The following SDHB variants were observed in gnomAD, a reference collection of about 807,000 sequenced individuals.
The protein encoded by SDHB is succinate dehydrogenase [ubiquinone] iron-sulfur subunit, mitochondrial.
In SDHB, 21 loss-of-function variants were observed where a neutral mutation model predicts 39.7. The observed-to-expected ratio is 0.53, with a 90% CI of 0.37 to 0.76. SDHB has a LOEUF of 0.76. Among genes scored for constraint, SDHB ranks in the 30% least tolerant of loss-of-function variants. The probability of loss-of-function intolerance (pLI) is 0.00; values close to 1 mark genes in which losing one functional copy is unlikely to be tolerated. For synonymous variants in SDHB, 118 were observed against 117.0 expected (o/e 1.01, Z -0.06); for missense variants, 343 against 350.9 (o/e 0.98, Z 0.18).
chr1:17,027,257 T>A (rs902707680), intron 5 of SDHB, among the ~76,000 whole-genome samples: 16 of 152,086 alleles, frequency 1.1e-4, no homozygotes, highest in African/African-American at 3.6e-4. Context: ...TCCCAGAGAG[T>A]GAGCAGGCCA....
intron 6 of SDHB, among the ~76,000 whole-genome samples, chr1:17,023,319 G>A (rs536412768): frequency 3.3e-5 from 5 of 152,336 alleles, no homozygotes; most frequent in South Asian, 2.1e-4. Flanking sequence ...TGACAAGTAT[G>A]AGTGTACTTC....
chr1:17,044,827 T>C lies in SDHB; in HGVS notation c.134A>G (p.Tyr45Cys). Residue 45 changes from tyrosine to cysteine, a missense_variant, in exon 2 of 8, where the codon TAT (tyrosine) becomes TGT (cysteine). Physicochemically the swap from Tyr to Cys is radical, Grantham distance 194 (BLOSUM62 -2). Transcript: ENST00000375499. ...TCCAGCCTTGTCTGGGTCCCATCGA[T>C]AGATGGCAAATTTCTTGATACGGGG... ...TAPRIKKFAI[Y>C]RWDPDKAGDK... 6.2e-7 allele frequency: 1 copy of C among 1,614,116 alleles called. No individual in the cohort carries two copies. Among genetic ancestry groups the C allele is most frequent in the South Asian group, 1.1e-5 (1 of 91,080 alleles).
At chr1:17,041,400 T>G (rs2078079074) in intron 2 of SDHB, among the ~76,000 whole-genome samples, 1 of 152,178 alleles carries the variant, frequency 6.6e-6, no homozygotes, top group Non-Finnish European at 1.5e-5. Context: ...CTGGGCGCGG[T>G]GGCTCATGCC....
intron 7 of SDHB, among the ~76,000 whole-genome samples, chr1:17,019,534 C>T (rs1207641835): frequency 6.6e-6 from 1 of 151,980 alleles, no homozygotes; most frequent in African/African-American, 2.4e-5. Context: ...CACTGAATGC[C>T]AGCTTCATTG....
At chr1:17,034,639 C>T (rs998127031) in intron 2 of SDHB, among the ~76,000 whole-genome samples, 6 of 152,122 alleles carry the variant, frequency 3.9e-5, no homozygotes, top group African/African-American at 1.4e-4. Context: ...CTCAGCCTTC[C>T]CAAATGCTGG....
intron 2 of SDHB, among the ~76,000 whole-genome samples, chr1:17,043,963 C>T (rs1324695690): frequency 6.6e-6 from 1 of 152,154 alleles, no homozygotes; most frequent in African/African-American, 2.4e-5. Context: ...GAGACTATAC[C>T]AGTCTTTTGA....
At chr1:17,033,244 A>G in intron 2 of SDHB, 99 bp from the exon 3 acceptor site, 1 of 992,622 alleles carries the variant, frequency 1.0e-6, no homozygotes, top group Non-Finnish European at 1.6e-6. Flanking sequence ...TAGCTTATCC[A>G]TTTGGTCTTC....
At chr1:17,050,161 C>T in intron 1 of SDHB, among the ~76,000 whole-genome samples, 1 of 152,062 alleles carries the variant, frequency 6.6e-6, no homozygotes, top group East Asian at 1.9e-4. Context: ...CCAAAAGAGA[C>T]TAAGTTTGTA....
At chr1:17,053,480 C>G (rs1029443589) in intron 1 of SDHB, among the ~76,000 whole-genome samples, 2 of 152,140 alleles carry the variant, frequency 1.3e-5, no homozygotes, top group African/African-American at 4.8e-5. Flanking sequence ...TTCACATGTC[C>G]TTTCCTCACC....
At chr1:17,053,515 C>G (rs2078160085) in intron 1 of SDHB, among the ~76,000 whole-genome samples, 1 of 152,132 alleles carries the variant, frequency 6.6e-6, no homozygotes, top group Admixed American at 6.5e-5. Context: ...ACCTCGCACC[C>G]TTGAGGAATT....
At chr1:17,025,251 T>C (rs2077985400) in intron 5 of SDHB, among the ~76,000 whole-genome samples, 1 of 151,998 alleles carries the variant, frequency 6.6e-6, no homozygotes, top group Non-Finnish European at 1.5e-5. Context: ...TTTAAGAATA[T>C]GAAGAAAATG....
intron 2 of SDHB, among the ~76,000 whole-genome samples, chr1:17,041,531 G>A (rs1279034360): frequency 3.3e-5 from 5 of 152,034 alleles, no homozygotes; most frequent in African/African-American, 9.7e-5. Context: ...GGTGTGTGAC[G>A]CGCGCCTGTA....
Position 17,033,051 on chromosome 1 carries a change from A to G in SDHB, c.286+9T>C. 1 of 1,609,068 alleles carries G rather than the reference A, an allele frequency of 6.2e-7. No homozygotes were observed. Among genetic ancestry groups the G allele is most frequent in the South Asian group, 1.1e-5 (1 of 90,940 alleles). On this transcript the variant is annotated intron_variant, in intron 3 of 7. Coordinates refer to ENST00000375499, the MANE Select transcript of SDHB (RefSeq NM_003000.3). ...AGTATCTGGAGCCCAACAGGAATGA[A>G]ATGCTCACCTTCTCTGCATGATCTT...
In SDHB at chr1:17,044,901, A is replaced by T. The variant is rs769480915; in HGVS notation, c.73-13T>A. On this transcript the variant is annotated splice_polypyrimidine_tract_variant and intron_variant, in intron 1 of 7. Coordinates refer to ENST00000375499, the MANE Select transcript of SDHB (RefSeq NM_003000.3). ...CTCCTCGGGAGGCCTGAAATTTTTT[A>T]AAGTTCACAAAAAGGAAAAAAAAAT... is the stretch of plus-strand genomic sequence containing the variant. The T allele has an allele frequency of 6.2e-7, 1 of 1,612,206 alleles. No homozygotes were observed. The highest frequency in any genetic ancestry group is 1.1e-5 in the South Asian group (1 of 91,046).
rs202203339 is a variant in SDHB at position 17,027,766 on chromosome 1, C to G, written c.523G>C (p.Glu175Gln). The change falls in exon 5 of 8, where the codon GAA becomes CAA. Residue 175 changes from glutamate (E) to glutamine (Q), a missense_variant. Glu to Gln is a conservative substitution (Grantham distance 29). Coordinates refer to ENST00000375499, the MANE Select transcript of SDHB (RefSeq NM_003000.3). ...EGKQQYLQSI[E>Q]EREKLDGLYE... is the part of the protein sequence containing the mutation. ...CTAATGACCAGTTTCTCACGCTCTTCTATGGACTGCAGATACTGCTGCTTG... is the reference window on the plus strand; with the variant it reads ...CTAATGACCAGTTTCTCACGCTCTTGTATGGACTGCAGATACTGCTGCTTG... 2 of 1,598,188 alleles carry G rather than the reference C, an allele frequency of 1.3e-6. No individual in the cohort carries two copies. Among genetic ancestry groups the G allele is most frequent in the Non-Finnish European group, 1.7e-6 (2 of 1,165,678 alleles).
intron 1 of SDHB, chr1:17,052,460 C>T (rs2078153961): frequency 6.6e-6 from 1 of 152,134 alleles, no homozygotes. Context: ...CCTGCAAAGA[C>T]CTTGCCTGGA....
At chr1:17,033,242 C>G in intron 2 of SDHB, 97 bp from the exon 3 acceptor site, 3 of 1,000,724 alleles carry the variant, frequency 3.0e-6, no homozygotes, top group Non-Finnish European at 4.7e-6. Context: ...ATTAGCTTAT[C>G]CATTTGGTCT....
intron 1 of SDHB, among the ~76,000 whole-genome samples, chr1:17,046,302 G>A (rs2078109938): frequency 2.0e-5 from 3 of 151,980 alleles, no homozygotes; most frequent in Non-Finnish European, 2.9e-5. Flanking sequence ...GAAGTGAGAG[G>A]AAAGATTCCT....
intron 6 of SDHB, 101 bp downstream of exon 6, chr1:17,023,872 C>G (rs2101515955): frequency 1.2e-6 from 1 of 848,062 alleles, no homozygotes; most frequent in East Asian, 2.5e-5. Flanking sequence ...TGAAGGAAAC[C>G]AGGCCCCTCA....
Sources: allele counts gnomAD v4.1 joint callset (sites outside exome capture counted in the v4.1 genomes callset), GRCh38; gene constraint gnomAD v4.1.1; transcripts MANE v1.5; gene names NCBI Gene and HGNC (gene_info 2026-07-23, HGNC 2026-07-21).